ZFYVE9: variants seen among roughly 807,000 people sequenced by gnomAD.
The protein encoded by ZFYVE9 is zinc finger FYVE-type containing 9, also known as zinc finger FYVE domain-containing protein 9.
A neutral mutation model predicts 126.7 loss-of-function variants in ZFYVE9; 43 were observed. The ratio of observed to expected loss-of-function variants is 0.34; its 90% CI spans 0.27 to 0.44. The LOEUF (loss-of-function observed/expected upper bound fraction) is 0.44, where lower values mean the gene tolerates loss of function less well. ZFYVE9 is among the 20% of genes least tolerant of loss of function. The probability of loss-of-function intolerance (pLI) is 1.00; values close to 1 mark genes in which losing one functional copy is unlikely to be tolerated. For synonymous variants in ZFYVE9, 521 were observed against 597.4 expected (o/e 0.87, Z 1.87); for missense variants, 1,476 against 1,697.0 (o/e 0.87, Z 2.29).
intron 2 of ZFYVE9, 72 bp from the exon 3 acceptor site, chr1:52,233,099 C>G: frequency 1.7e-6 from 1 of 586,646 alleles, no homozygotes; most frequent in Non-Finnish European, 2.5e-6. Flanking sequence ...GAGATTTTAT[C>G]CTTGTGTATA....
chr1:52,300,282 A>C (rs1037303835), intron 12 of ZFYVE9, among the ~76,000 whole-genome samples: 1 of 152,100 alleles, frequency 6.6e-6, no homozygotes, highest in Non-Finnish European at 1.5e-5. Context: ...ACTGTCGTTT[A>C]GAGAGAACAA....
At chr1:52,338,249 T>A (rs2147874809) in intron 16 of ZFYVE9, among the ~76,000 whole-genome samples, 1 of 152,342 alleles carries the variant, frequency 6.6e-6, no homozygotes, top group South Asian at 2.1e-4. Flanking sequence ...CATTGTTTTG[T>A]TTGATACAAT....
chr1:52,186,240 A>AG (rs1644764294), intron 1 of ZFYVE9, among the ~76,000 whole-genome samples: 1 of 120,446 alleles, frequency 8.3e-6, no homozygotes, highest in Non-Finnish European at 1.8e-5. Flanking sequence ...ACTCTGTCTC[A>AG]AAAAAAAAAA....
chr1:52,292,709 T>A (rs1235738231), intron 10 of ZFYVE9, among the ~76,000 whole-genome samples: 1 of 151,992 alleles, frequency 6.6e-6, no homozygotes, highest in Admixed American at 6.6e-5. Flanking sequence ...GACCTTGTGA[T>A]CCACCCACCT....
chr1:52,317,814 A>C (rs1043650402), intron 13 of ZFYVE9, among the ~76,000 whole-genome samples: 2 of 152,202 alleles, frequency 1.3e-5, no homozygotes, highest in Non-Finnish European at 2.9e-5. Flanking sequence ...CGTTCAACTT[A>C]GATAAAATAG....
At position 52,281,078 on chromosome 1, in the gene ZFYVE9, C is replaced by T. The variant is rs150932729; in HGVS notation, c.2870-583C>T. Among the ~76,000 whole-genome samples, 364 of 150,456 alleles carry T rather than the reference C, an allele frequency of 2.4e-3. 7 individuals are homozygous for T. The highest frequency in any genetic ancestry group is 8.4e-3 in the African/African-American group (347 of 41,098). ...TAATAGGAGTTAAAAGTTTTAAGTG[C>T]GTTTTATTATTATTTCTTTTACTTC... On this transcript the variant is annotated intron_variant, in intron 9 of 18. Coordinates refer to ENST00000287727, the MANE Select transcript of ZFYVE9 (RefSeq NM_004799.4).
At chr1:52,253,695 T>C (rs1645474632) in intron 4 of ZFYVE9, 2 of 1,603,394 alleles carry the variant, frequency 1.2e-6, no homozygotes, top group South Asian at 1.1e-5. Context: ...TACGGGAAAT[T>C]GGGTCACAAG....
chr1:52,292,330 A>G (rs1645929630), intron 10 of ZFYVE9, among the ~76,000 whole-genome samples: 1 of 151,368 alleles, frequency 6.6e-6, no homozygotes, highest in Non-Finnish European at 1.5e-5. Flanking sequence ...TGTCTGTGGT[A>G]CCATCTTCAT....
chr1:52,205,321 C>T (rs1282362896), intron 1 of ZFYVE9, among the ~76,000 whole-genome samples: 2 of 151,930 alleles, frequency 1.3e-5, no homozygotes, highest in Non-Finnish European at 2.9e-5. Context: ...GCTGTCTGAC[C>T]ACCTCAGCTT....
intron 9 of ZFYVE9, among the ~76,000 whole-genome samples, chr1:52,279,486 C>CA (rs1645780843): frequency 6.6e-6 from 1 of 151,928 alleles, no homozygotes. Context: ...TTTTTTGAGA[C>CA]AGAGTCTCAC....
intron 13 of ZFYVE9, among the ~76,000 whole-genome samples, chr1:52,328,139 T>C (rs1260619767): frequency 6.6e-6 from 1 of 152,120 alleles, no homozygotes; most frequent in Non-Finnish European, 1.5e-5. Context: ...AGATTCTGAA[T>C]GGAGGACAAG....
At chr1:52,331,677 A>G (rs1217042888) in intron 13 of ZFYVE9, among the ~76,000 whole-genome samples, 2 of 149,114 alleles carry the variant, frequency 1.3e-5, no homozygotes, top group African/African-American at 2.5e-5. Context: ...GCGTGAACCC[A>G]GGAGGCGGAG....
chr1:52,177,190 C>T (rs1215261499), intron 1 of ZFYVE9, among the ~76,000 whole-genome samples: 22 of 151,240 alleles, frequency 1.5e-4, no homozygotes, highest in Admixed American at 1.1e-3. Flanking sequence ...CCTCTTGTCA[C>T]CCAGGCTGGA....
chr1:52,279,379 C>A (rs932573642), intron 9 of ZFYVE9, among the ~76,000 whole-genome samples: 1 of 152,174 alleles, frequency 6.6e-6, no homozygotes, highest in Non-Finnish European at 1.5e-5. Context: ...CACAGTAAAG[C>A]TTCAATACAT....
intron 13 of ZFYVE9, among the ~76,000 whole-genome samples, chr1:52,321,033 A>G (rs146443387): frequency 6.6e-6 from 1 of 152,342 alleles, no homozygotes; most frequent in Non-Finnish European, 1.5e-5. Context: ...AAAGATAGGA[A>G]TAGAGAAGTT....
At chr1:52,249,037 A>G (rs996766976) in intron 4 of ZFYVE9, among the ~76,000 whole-genome samples, 1 of 152,154 alleles carries the variant, frequency 6.6e-6, no homozygotes, top group East Asian at 1.9e-4. Flanking sequence ...CTGTTCTCAT[A>G]ATAGTGAGTT....
intron 2 of ZFYVE9, among the ~76,000 whole-genome samples, chr1:52,224,185 A>G (rs549053577): frequency 7.2e-5 from 11 of 152,108 alleles, no homozygotes; most frequent in Admixed American, 2.0e-4. Context: ...GGCATTGTCT[A>G]TTTCCCATTG....
At chr1:52,263,073 T>A (rs1246329483) in intron 4 of ZFYVE9, among the ~76,000 whole-genome samples, 1 of 128,120 alleles carries the variant, frequency 7.8e-6, no homozygotes, top group African/African-American at 3.3e-5. Flanking sequence ...AGTCAAATTG[T>A]GTCTCAAAAA....
At chr1:52,218,646 G>A (rs1423643378) in intron 2 of ZFYVE9, among the ~76,000 whole-genome samples, 3 of 152,166 alleles carry the variant, frequency 2.0e-5, no homozygotes, top group Admixed American at 6.5e-5. Context: ...TTTAGGGTGC[G>A]AATGGAATAT....
Sources: gnomAD v4.1 joint callset for allele counts (sites outside exome capture counted in the v4.1 genomes callset) on GRCh38, gnomAD v4.1.1 for gene constraint, MANE v1.5 for transcripts, NCBI Gene and HGNC (gene_info 2026-07-23, HGNC 2026-07-21) for gene names.